The following NUP205 variants were observed in gnomAD, a reference collection of about 807,000 sequenced individuals.
NUP205 encodes nuclear pore complex protein Nup205.
In NUP205, 76 loss-of-function variants were observed where a neutral mutation model predicts 253.8. The ratio of observed to expected loss-of-function variants is 0.30; its 90% CI spans 0.25 to 0.36. The LOEUF (loss-of-function observed/expected upper bound fraction) is 0.36, where lower values mean the gene tolerates loss of function less well. NUP205 is among the 10% of genes least tolerant of loss of function. NUP205 has a pLI of 1.00. For missense variants in NUP205, 2,162 were observed against 2,425.5 expected (o/e 0.89, Z 2.28); for synonymous variants, 832 against 850.1 (o/e 0.98, Z 0.37).
At chr7:135,613,206 A>G (rs1238122964) in intron 22 of NUP205, among the ~76,000 whole-genome samples, 3 of 151,606 alleles carry the variant, frequency 2.0e-5, no homozygotes, top group South Asian at 2.1e-4. Flanking sequence ...TATTTTTCTC[A>G]TATAAAATGT....
At chr7:135,618,711 ATTG>A in intron 28 of NUP205, 108 bp downstream of exon 28, 1 of 897,524 alleles carries the variant, frequency 1.1e-6, no homozygotes, top group East Asian at 2.5e-5. Flanking sequence ...GTAAAATAGA[ATTG>A]TGCAATACCA....
At chr7:135,645,336 C>G in intron 40 of NUP205, 132 bp from the exon 41 acceptor site, 1 of 962,398 alleles carries the variant, frequency 1.0e-6, no homozygotes, top group Non-Finnish European at 1.6e-6. Context: ...TCAGTGAGAC[C>G]CTGTCTGTTA....
chr7:135,620,714 T>C (rs1794455940), intron 30 of NUP205, among the ~76,000 whole-genome samples: 1 of 152,202 alleles, frequency 6.6e-6, no homozygotes. Context: ...TGTGTAAAAG[T>C]ATGTACTTTT....
At chr7:135,576,147 C>CTTA in intron 3 of NUP205, 123 bp from the exon 4 acceptor site, 1 of 715,536 alleles carries the variant, frequency 1.4e-6, no homozygotes, top group East Asian at 2.8e-5. Flanking sequence ...TAGAGGACCC[C>CTTA]AGGGCCCCTT....
At chr7:135,611,001 C>CTT (rs753311876) in intron 22 of NUP205, among the ~76,000 whole-genome samples, 51 of 137,872 alleles carry the variant, frequency 3.7e-4, no homozygotes, top group Admixed American at 6.6e-4. Flanking sequence ...TCCTTCTCTT[C>CTT]TTTTTTTTTT....
chr7:135,631,956 A>G (rs1169652339), intron 35 of NUP205, among the ~76,000 whole-genome samples: 1 of 151,964 alleles, frequency 6.6e-6, no homozygotes, highest in Non-Finnish European at 1.5e-5. Flanking sequence ...TCACCGTGTT[A>G]GCCAGGTCTT....
Position 135,577,063 on chromosome 7 carries a change from G to T in NUP205, c.583G>T (p.Val195Leu). Residue 195 changes from valine to leucine, a missense_variant, in exon 5 of 43, where the codon GTG becomes TTG. Around this residue, in one of 5 missense-constraint regions of NUP205, gnomAD observed 892 missense variants for 957.1 expected, o/e 0.93. Transcript: ENST00000285968. ...KVLTLVSQID[V>L]NNEFEKLQRE... ...TCTTACGCTGGTGTCACAGATTGAT[G>T]TGAATAATGAGTTTGAGAAACTACA... is the stretch of plus-strand genomic sequence containing the variant. The T allele has an allele frequency of 6.2e-7, 1 of 1,614,074 alleles. No individual in the cohort carries two copies. Among genetic ancestry groups the T allele is most frequent in the Non-Finnish European group, 8.5e-7 (1 of 1,179,954 alleles).
chr7:135,572,664 A>G (rs192367939), intron 2 of NUP205, among the ~76,000 whole-genome samples: 129 of 152,224 alleles, frequency 8.5e-4, no homozygotes, highest in African/African-American at 3.0e-3. Context: ...TGTTCAAGCA[A>G]TCCTCCTTCC....
intron 10 of NUP205, among the ~76,000 whole-genome samples, chr7:135,590,407 C>T (rs558704623): frequency 1.3e-5 from 2 of 152,108 alleles, no homozygotes; most frequent in Non-Finnish European, 2.9e-5. Context: ...AGCCACTGTG[C>T]CCAGCCTGCT....
At chr7:135,616,285 A>G (rs771937519) in intron 24 of NUP205, among the ~76,000 whole-genome samples, 56 of 152,212 alleles carry the variant, frequency 3.7e-4, no homozygotes, top group Non-Finnish European at 6.6e-4. Context: ...GGTATTATAT[A>G]CAAAATTGTC....
rs772689727 is a variant in NUP205, at chr7:135,643,193, T to C, written c.5394T>C (p.Asp1798=). 5.1e-5 allele frequency: 82 copies of C among 1,613,422 alleles called. 1 individual carries two copies. The Middle Eastern group carries it at 8.2e-4, about 16-fold the overall frequency. ...ETVNRDGPRQ[D]TQAPVVPYWR... ...GTTTTATGTCATCACCTCTATTAGA[T>C]ACCCAAGCTCCAGTGGTTCCATACT... Residue 1798 remains aspartate (D), a splice_region_variant and synonymous_variant, in exon 39 of 43, where the codon GAT becomes GAC. Transcript: ENST00000285968.
intron 11 of NUP205, 109 bp from the exon 12 acceptor site, chr7:135,592,878 C>CT (rs1563119872): frequency 1.2e-6 from 1 of 810,208 alleles, no homozygotes; most frequent in African/African-American, 1.7e-5. Context: ...CAGTGAGACT[C>CT]TATCTCAAAA....
intron 23 of NUP205, among the ~76,000 whole-genome samples, chr7:135,614,951 G>T (rs189885005): frequency 2.0e-5 from 3 of 152,240 alleles, no homozygotes. Flanking sequence ...GTAATTGTCA[G>T]CATCTAATTT....
In NUP205 at chr7:135,638,033, G is replaced by T. The variant is rs1474943816; in HGVS notation, c.5239G>T (p.Asp1747Tyr). 8 of 1,613,922 alleles carry T rather than the reference G, an allele frequency of 5.0e-6. No homozygotes were observed. The highest frequency in any genetic ancestry group is 6.8e-6 in the Non-Finnish European group (8 of 1,179,954). The change falls in exon 37 of 43, where the codon GAT becomes TAT. Residue 1747 changes from aspartate to tyrosine, a missense_variant. Asp to Tyr is a radical substitution (Grantham distance 160). Coordinates refer to ENST00000285968, the MANE Select transcript of NUP205 (RefSeq NM_015135.3). ...GGAGGGAGATAAAGTAAGCAAGAAA[G>T]ATGAGATTGAACTGGCTATGCAGCA... Reference protein sequence around the residue: ...NVEGDKVSKKDEIELAMQQIC... With the variant: ...NVEGDKVSKKYEIELAMQQIC...
chr7:135,584,777 C>T (rs1009968333), intron 7 of NUP205, 55 bp from the exon 8 acceptor site: 1 of 1,463,630 alleles, frequency 6.8e-7, no homozygotes. Context: ...GATATAATTA[C>T]AATCTGGGTT....
At chr7:135,647,414 C>T (rs1447285785) in intron 42 of NUP205, among the ~76,000 whole-genome samples, 1 of 152,208 alleles carries the variant, frequency 6.6e-6, no homozygotes, top group African/African-American at 2.4e-5. Flanking sequence ...CCCTTAGTGA[C>T]TTTATAAAAG....
rs1329386487 is a variant in NUP205, at chr7:135,605,869, T to A, written c.2824-276T>A. ...AATTTCGTGATTTTTTTTTTTTTTT[T>A]AACTAGCTTGATGCTTTGGGAAGGA... is the stretch of plus-strand genomic sequence containing the variant. On this transcript the variant is annotated intron_variant, in intron 19 of 42. Coordinates refer to ENST00000285968, the MANE Select transcript of NUP205 (RefSeq NM_015135.3). Among the ~76,000 whole-genome samples the A allele has an allele frequency of 1.3e-5, 2 of 150,082 alleles. No individual in the cohort carries two copies. The highest frequency in any genetic ancestry group is 2.1e-4 in the South Asian group (1 of 4,756).
Position 135,617,604 on chromosome 7 carries a change from T to A in NUP205, c.3693T>A (p.Leu1231=). The part of the protein sequence containing the change: ...LRGQTVCNVK[L]LHRVLVAEVN... ...TCTTTCTTTTCCTAATTATCCAGCT[T>A]CTTCATAGGGTTCTTGTAGCTGAAG... Residue 1231 remains leucine, a splice_region_variant and synonymous_variant, in exon 27 of 43, where the codon CTT becomes CTA. Transcript: ENST00000285968. The A allele has an allele frequency of 1.2e-6, 2 of 1,611,214 alleles. No individual in the cohort carries two copies. Among genetic ancestry groups the A allele is most frequent in the African/African-American group, 2.7e-5 (2 of 74,958 alleles).
chr7:135,570,857 T>A (rs1168175483), intron 1 of NUP205, among the ~76,000 whole-genome samples: 27 of 115,046 alleles, frequency 2.3e-4, no homozygotes, highest in African/African-American at 8.5e-4. Context: ...ACATATATTA[T>A]ATATAAATAT....
Sources: allele counts gnomAD v4.1 joint callset (sites outside exome capture counted in the v4.1 genomes callset), GRCh38; gene constraint gnomAD v4.1.1; regional missense constraint gnomAD v4.1.1; transcripts MANE v1.5; gene names NCBI Gene and HGNC (gene_info 2026-07-23, HGNC 2026-07-21).